The following PLEKHH2 variants were observed in gnomAD, a reference collection of about 807,000 sequenced individuals.
PLEKHH2 encodes pleckstrin homology, MyTH4 and FERM domain containing H2.
PLEKHH2 carries 129 observed loss-of-function variants against 187.9 expected under a neutral mutation model. The ratio of observed to expected loss-of-function variants is 0.69; its 90% CI spans 0.59 to 0.79. PLEKHH2 has a LOEUF of 0.79. Ranked by LOEUF, PLEKHH2 falls within the 30% of genes least tolerant of loss-of-function variation. The pLI is 0.00. For synonymous variants in PLEKHH2, 686 were observed against 605.6 expected, an observed-to-expected ratio of 1.13 and a Z score of -1.95; for missense variants, 2,076 against 1,751.2, an observed-to-expected ratio of 1.19 and a Z score of -3.31.
At position 43,677,817 on chromosome 2, in the gene PLEKHH2, T is replaced by C. The variant is rs1223471862; in HGVS notation, c.124-1046T>C. Among the ~76,000 whole-genome samples the C allele has an allele frequency of 7.7e-5, 11 of 142,878 alleles. No homozygotes were observed. The South Asian group carries it at 9.2e-4, about 12-fold the overall frequency. 93.7% of individuals were successfully genotyped at this position (142,878 alleles called of 152,430 possible). A position where few individuals can be genotyped will look rare whatever the true frequency, so the allele number is the denominator to read the frequency against. On this transcript the variant is annotated intron_variant, in intron 2 of 29. Transcript: ENST00000282406. ...TCACCTCCCGCACCGGGCAGCTGGC[T>C]GGGCGGGGGGCTGACCCCCCCCCAC... is the stretch of plus-strand genomic sequence containing the variant.
Position 43,767,689 on chromosome 2 carries a change from C to T in PLEKHH2, c.*2091C>T, listed in dbSNP as rs1672671079. On this transcript the variant is annotated 3_prime_UTR_variant, in exon 30 of 30. Coordinates refer to ENST00000282406, the MANE Select transcript of PLEKHH2 (RefSeq NM_172069.4). ...TAGTTTATTCATCATTTGGTAAGCC[C>T]CTCCCCACACTCCTCTAATTTAAAC... The T allele has an allele frequency of 6.6e-6, 1 of 152,626 alleles. No homozygotes were observed. Among genetic ancestry groups the T allele is most frequent in the Non-Finnish European group, 1.5e-5 (1 of 68,006 alleles). 9.5% of individuals were successfully genotyped at this position (152,626 alleles called of 1,614,324 possible). A position where few individuals can be genotyped will look rare whatever the true frequency, so the allele number is the denominator to read the frequency against.
At chr2:43,695,421 A>G (rs1669037819) in intron 6 of PLEKHH2, among the ~76,000 whole-genome samples, 197 bp downstream of exon 6, 1 of 152,220 alleles carries the variant, frequency 6.6e-6, no homozygotes, top group Non-Finnish European at 1.5e-5. Context: ...CAAAAAAGAG[A>G]TGGAATTGAT....
chr2:43,761,741 G>A (rs1672439238), intron 27 of PLEKHH2, among the ~76,000 whole-genome samples: 1 of 151,998 alleles, frequency 6.6e-6, no homozygotes, highest in Non-Finnish European at 1.5e-5. Flanking sequence ...AAAAAATTCG[G>A]TGGAAATTTT....
Position 43,692,591 on chromosome 2 carries a change from T to C in PLEKHH2, c.264T>C (p.Cys88=). 2.5e-6 allele frequency: 4 copies of C among 1,610,138 alleles called. No homozygotes were observed. The highest frequency in any genetic ancestry group is 3.4e-6 in the Non-Finnish European group (4 of 1,176,906). The change falls in exon 4 of 30, where the codon TGT becomes TGC. Residue 88 remains cysteine (C), a synonymous_variant. Coordinates refer to ENST00000282406, the MANE Select transcript of PLEKHH2 (RefSeq NM_172069.4). The part of the protein sequence containing the change: ...SESETRLYNK[C]QDLESLIQEK... ...CAGAGACAAGATTATATAATAAGTG[T>C]CAAGATCTGGAGTCGCTAATACAGG...
chr2:43,638,671 A>G (rs1049878627), intron 1 of PLEKHH2, among the ~76,000 whole-genome samples: 2 of 152,218 alleles, frequency 1.3e-5, no homozygotes, highest in African/African-American at 2.4e-5. Flanking sequence ...GCAGTCGGCT[A>G]TGTTATATAG....
chr2:43,727,687 A>G (rs957215680), intron 17 of PLEKHH2, among the ~76,000 whole-genome samples: 1 of 152,158 alleles, frequency 6.6e-6, no homozygotes, highest in African/African-American at 2.4e-5. Flanking sequence ...CATCCTTCCA[A>G]TTACCCTCTG....
chr2:43,697,075 A>G, intron 6 of PLEKHH2, 96 bp from the exon 7 acceptor site: 1 of 1,012,126 alleles, frequency 9.9e-7, no homozygotes, highest in Non-Finnish European at 1.4e-6. Context: ...TTCTGGCATA[A>G]AGAGTGATTT....
chr2:43,736,607 G>C (rs912462563), intron 19 of PLEKHH2, among the ~76,000 whole-genome samples: 1 of 152,126 alleles, frequency 6.6e-6, no homozygotes, highest in African/African-American at 2.4e-5. Context: ...GCTGAGGTGG[G>C]TGTATCACCT....
In PLEKHH2 at chr2:43,727,007, CT is replaced by C. The variant is rs567708607; in HGVS notation, c.2721+557del. Among the ~76,000 whole-genome samples, 17 of 152,066 alleles carry C rather than the reference CT, an allele frequency of 1.1e-4. No homozygotes were observed. In the South Asian group the frequency reaches 3.5e-3, roughly 32 times the overall value. On this transcript the variant is annotated intron_variant, in intron 17 of 29. Transcript: ENST00000282406. ...ATAATTTCCAGATTATTATTTTCAT[CT>C]CATACAGATAGCAAAATAATTTCCA...
At chr2:43,731,859 G>A (rs1167570406) in intron 19 of PLEKHH2, among the ~76,000 whole-genome samples, 1 of 152,130 alleles carries the variant, frequency 6.6e-6, no homozygotes, top group East Asian at 1.9e-4. Flanking sequence ...GGTATCAGAT[G>A]AATCATTTCC....
At chr2:43,726,862 G>A (rs140865641) in intron 17 of PLEKHH2, among the ~76,000 whole-genome samples, 271 of 152,098 alleles carry the variant, frequency 1.8e-3, no homozygotes, top group African/African-American at 6.1e-3. Flanking sequence ...GATAAAGGAG[G>A]TATCACAAAT....
intron 3 of PLEKHH2, chr2:43,681,111 T>A: frequency 9.9e-7 from 1 of 1,005,792 alleles, no homozygotes. Context: ...AGAATTACTA[T>A]GGTTGTGAAA....
At position 43,696,197 on chromosome 2, in the gene PLEKHH2, G is replaced by T. The variant is rs139761306; in HGVS notation, c.502+973G>T. ...ACTTTTGGCTGGGCCACTGGGCCAG[G>T]CGCAGTGGCTCACTCCTGTAATCCC... is the stretch of plus-strand genomic sequence containing the variant. On this transcript the variant is annotated intron_variant, in intron 6 of 29. Coordinates refer to ENST00000282406, the MANE Select transcript of PLEKHH2 (RefSeq NM_172069.4). 5.6e-3 allele frequency among the ~76,000 whole-genome samples: 848 copies of T among 152,268 alleles called. 9 individuals are homozygous for T. Among genetic ancestry groups the T allele is most frequent in the African/African-American group, 0.019 (805 of 41,566 alleles).
intron 8 of PLEKHH2, among the ~76,000 whole-genome samples, chr2:43,702,271 T>A (rs17031309): frequency 0.11 from 16,039 of 152,200 alleles, 1,197 homozygotes; most frequent in African/African-American, 0.21. Flanking sequence ...AATTCAGAAC[T>A]TAAGATGTAT....
chr2:43,755,034 T>C (rs1672162116), intron 25 of PLEKHH2, among the ~76,000 whole-genome samples: 1 of 151,858 alleles, frequency 6.6e-6, no homozygotes. Flanking sequence ...CACCATGCTC[T>C]GCTAATTTTC....
chr2:43,759,002 C>G lies in PLEKHH2; in HGVS notation c.4044C>G (p.Phe1348Leu). Residue 1348 changes from phenylalanine (F) to leucine (L), a missense_variant, in exon 27 of 30, where the codon TTC (phenylalanine) becomes TTG (leucine). Coordinates refer to ENST00000282406, the MANE Select transcript of PLEKHH2 (RefSeq NM_172069.4). ...IYLTVARKWP[F>L]FGAKLFLAKP... ...TGACAGTAGCCAGGAAGTGGCCATT[C>G]TTTGGTGCCAAGTTGTTTCTTGCAA... 1 of 1,612,636 alleles carries G rather than the reference C, an allele frequency of 6.2e-7. No individual in the cohort carries two copies. The highest frequency in any genetic ancestry group is 2.2e-5 in the East Asian group (1 of 44,784).
intron 9 of PLEKHH2, 30 bp from the exon 10 acceptor site, chr2:43,706,292 A>T (rs1398834518): frequency 2.0e-6 from 3 of 1,495,984 alleles, no homozygotes; most frequent in Admixed American, 1.7e-5. Flanking sequence ...GAAGTTTTTT[A>T]AAATGTTGTT....
In PLEKHH2 at chr2:43,704,130, C is replaced by G. The variant is rs1270795421; in HGVS notation, c.1726+74C>G. 3.8e-6 allele frequency: 4 copies of G among 1,044,278 alleles called. No individual in the cohort carries two copies. In the African/African-American group the frequency reaches 6.4e-5, roughly 17 times the overall value. The allele number at this position is 1,044,278 out of a possible 1,614,324, so 64.7% of individuals were successfully genotyped here. ...GCTAAGGGATAGTATAATACAAATACATGGTACAGTCACAAAAAGACAAAT... is the reference window on the plus strand; with the variant it reads ...GCTAAGGGATAGTATAATACAAATAGATGGTACAGTCACAAAAAGACAAAT... On this transcript the variant is annotated intron_variant, in intron 9 of 29. Coordinates refer to ENST00000282406, the MANE Select transcript of PLEKHH2 (RefSeq NM_172069.4).
chr2:43,743,670 CTT>C (rs1558605742), intron 22 of PLEKHH2, among the ~76,000 whole-genome samples, 162 bp from the exon 23 acceptor site: 1 of 152,010 alleles, frequency 6.6e-6, no homozygotes, highest in Non-Finnish European at 1.5e-5. Context: ...TATGAGGTAA[CTT>C]TGTTAATTTT....
Sources: gnomAD v4.1 joint callset for allele counts (sites outside exome capture counted in the v4.1 genomes callset) on GRCh38, gnomAD v4.1.1 for gene constraint, MANE v1.5 for transcripts, NCBI Gene and HGNC (gene_info 2026-07-23, HGNC 2026-07-21) for gene names.